SLC2A11: variants seen among roughly 807,000 people sequenced by gnomAD.
SLC2A11 encodes the protein solute carrier family 2 member 11.
A neutral mutation model predicts 52.1 loss-of-function variants in SLC2A11; 43 were observed. The observed-to-expected ratio is 0.82, with a 90% CI of 0.65 to 1.06. The LOEUF (loss-of-function observed/expected upper bound fraction) is 1.06, where lower values mean the gene tolerates loss of function less well. Ranked by LOEUF, SLC2A11 falls within the 50% of genes least tolerant of loss-of-function variation. The pLI is 0.00. For missense variants in SLC2A11, 582 were observed against 654.2 expected (o/e 0.89, Z 1.20); for synonymous variants, 261 against 277.6 (o/e 0.94, Z 0.59).
At position 23,882,869 on chromosome 22, in the gene SLC2A11, T is replaced by TGTGA; in HGVS notation, c.993+3_993+6dup. On this transcript the variant is annotated frameshift_variant and splice_region_variant. Transcript: ENST00000316185. LOFTEE classifies it high-confidence loss of function. Reference sequence around the variant, plus strand: ...GCGAGCTGCTCACGGCGGTTGTTAGTGTGAGTCTGGAGGGTGCCCTTCCTC... The same window carrying TGTGA: ...GCGAGCTGCTCACGGCGGTTGTTAGTGTGAGTGAGTCTGGAGGGTGCCCTTCCTC... 6.2e-7 allele frequency: 1 copy of TGTGA among 1,608,216 alleles called. No individual in the cohort carries two copies. The highest frequency in any genetic ancestry group is 8.5e-7 in the Non-Finnish European group (1 of 1,177,058).
intron 3 of SLC2A11, chr22:23,871,005 C>G (rs2032436058): frequency 6.6e-6 from 1 of 152,000 alleles, no homozygotes; most frequent in African/African-American, 2.4e-5. Context: ...TTTTCAGGTT[C>G]TGGGCTAATT....
intron 6 of SLC2A11, chr22:23,880,320 A>C (rs1601511428): frequency 6.6e-6 from 1 of 151,144 alleles, no homozygotes; most frequent in Non-Finnish European, 1.5e-5. Flanking sequence ...AAGTCTTTAT[A>C]TTTCAAATTG....
intron 2 of SLC2A11, chr22:23,868,119 G>GTACACCC: frequency 3.1e-6 from 1 of 324,508 alleles, no homozygotes; most frequent in Non-Finnish European, 5.9e-6. Context: ...TTACATTGTA[G>GTACACCC]TACACCCAGC....
intron 2 of SLC2A11, among the ~76,000 whole-genome samples, chr22:23,864,709 G>C (rs1376960843): frequency 6.6e-6 from 1 of 152,198 alleles, no homozygotes; most frequent in African/African-American, 2.4e-5. Context: ...GGCACTCTCA[G>C]ACCTTACCTC....
chr22:23,866,819 T>G (rs575575951), intron 2 of SLC2A11: 1 of 152,584 alleles, frequency 6.6e-6, no homozygotes, highest in African/African-American at 2.4e-5. Context: ...CTCAGGAGGC[T>G]GAGGCAGGAG....
intron 1 of SLC2A11, chr22:23,858,296 C>T (rs2031929848): frequency 1.6e-6 from 1 of 615,658 alleles, no homozygotes; most frequent in South Asian, 1.8e-5. Flanking sequence ...TGCCGATCAG[C>T]CCTGACCTCA....
chr22:23,884,638 T>C lies in SLC2A11; in HGVS notation c.1300-11T>C. 1 of 1,608,790 alleles carries C rather than the reference T, an allele frequency of 6.2e-7. No individual in the cohort carries two copies. The highest frequency in any genetic ancestry group is 8.5e-7 in the Non-Finnish European group (1 of 1,177,344). The stretch of plus-strand genomic sequence containing the variant: ...GACACACCAGGTCTTGGGGTCTTTT[T>C]TAATCCGCAGGAGGCCTTGTCCCAC... On this transcript the variant is annotated splice_polypyrimidine_tract_variant and intron_variant, in intron 11 of 11. Transcript: ENST00000316185. This position sits in a 1 kb window ranked among gnomAD's most constrained non-coding sequence, Gnocchi z 4.3.
At chr22:23,856,937 C>A, upstream of SLC2A11, 1 of 1,606,492 alleles carries the variant, frequency 6.2e-7, no homozygotes, top group Admixed American at 1.7e-5. Context: ...TACCCGCATT[C>A]CGCCAAGTCT....
At chr22:23,873,498 T>C (rs60334856) in intron 3 of SLC2A11, among the ~76,000 whole-genome samples, 3,319 of 151,764 alleles carry the variant, frequency 0.022, 125 homozygotes, top group African/African-American at 0.071. Context: ...TTAGTAGAGA[T>C]GGGGTTTCAC....
intron 2 of SLC2A11, 88 bp downstream of exon 2, chr22:23,862,290 A>G: frequency 8.3e-7 from 1 of 1,208,830 alleles, no homozygotes; most frequent in Non-Finnish European, 1.2e-6. Flanking sequence ...CCAGGCATCC[A>G]CTAGGTGGCA....
intron 2 of SLC2A11, among the ~76,000 whole-genome samples, chr22:23,863,105 C>G (rs999296531): frequency 6.6e-6 from 1 of 152,220 alleles, no homozygotes; most frequent in Non-Finnish European, 1.5e-5. Context: ...TTCGCTCCCC[C>G]AACCCTGATA....
intron 6 of SLC2A11, 72 bp downstream of exon 6, chr22:23,877,941 C>T: frequency 6.8e-7 from 1 of 1,477,318 alleles, no homozygotes; most frequent in Non-Finnish European, 9.0e-7. Flanking sequence ...ATACGGGTCC[C>T]CATTTCATAG....
chr22:23,876,125 C>T (rs1261996300), intron 4 of SLC2A11, among the ~76,000 whole-genome samples: 4 of 151,998 alleles, frequency 2.6e-5, no homozygotes, highest in African/African-American at 4.8e-5. Flanking sequence ...GAGAGGGAGA[C>T]AGGGAGACAG....
In SLC2A11 at chr22:23,884,089, G is replaced by A. The variant is rs1272613915; in HGVS notation, c.1171+65G>A. The A allele has an allele frequency of 5.1e-6, 8 of 1,581,810 alleles. No homozygotes were observed. Among genetic ancestry groups the A allele is most frequent in the Non-Finnish European group, 6.9e-6 (8 of 1,164,788 alleles). On this transcript the variant is annotated intron_variant, in intron 10 of 11. Coordinates refer to ENST00000316185, the MANE Select transcript of SLC2A11 (RefSeq NM_001024939.4). This position sits in a 1 kb window ranked among gnomAD's most constrained non-coding sequence, Gnocchi z 4.3. ...TAGAAGGAGTGATGGGTGCCTGGGT[G>A]CACAGTGGGTGGGTGTGAATGCAAT...
chr22:23,857,373 G>T, upstream of SLC2A11: 1 of 1,540,552 alleles, frequency 6.5e-7, no homozygotes, highest in Non-Finnish European at 8.8e-7. Flanking sequence ...GCGAATGCAG[G>T]GGCTTGGCCG....
intron 2 of SLC2A11, chr22:23,866,484 C>CT (rs1448733496): frequency 1.2e-5 from 2 of 169,112 alleles, no homozygotes; most frequent in Non-Finnish European, 2.9e-5. Flanking sequence ...TTCCTCATGT[C>CT]TTTCCTAACC....
At chr22:23,871,239 C>T (rs2032444855) in intron 3 of SLC2A11, 1 of 149,414 alleles carries the variant, frequency 6.7e-6, no homozygotes, top group Non-Finnish European at 1.5e-5. Context: ...AACCCCATCT[C>T]TACTAAAACT....
In SLC2A11 at chr22:23,882,642, A is replaced by C. The variant is rs1463249812; in HGVS notation, c.878A>C (p.Asp293Ala). The C allele has an allele frequency of 1.9e-6, 3 of 1,611,196 alleles. No homozygotes were observed. Among genetic ancestry groups the C allele is most frequent in the Admixed American group, 1.7e-5 (1 of 59,800 alleles). ...LGSAMELCGN[D>A]SVYAYASSVF... ...AGTGCCATGGAGCTCTGCGGGAATGACTCGGTGAGACCCCTGCCCCGCCGC... is the reference window on the plus strand; with the variant it reads ...AGTGCCATGGAGCTCTGCGGGAATGCCTCGGTGAGACCCCTGCCCCGCCGC... Residue 293 changes from aspartate to alanine, a missense_variant, in exon 7 of 12, where the codon GAC becomes GCC. Asp to Ala is a moderately radical substitution (Grantham distance 126). Coordinates refer to ENST00000316185, the MANE Select transcript of SLC2A11 (RefSeq NM_001024939.4).
chr22:23,857,586 C>CCT (rs1321032156), upstream of SLC2A11: 10 of 1,475,378 alleles, frequency 6.8e-6, no homozygotes, highest in Middle Eastern at 2.2e-4. Flanking sequence ...AACCCCCCCC[C>CCT]CGCGGCGGCG....
Sources: allele counts gnomAD v4.1 joint callset (sites outside exome capture counted in the v4.1 genomes callset), GRCh38; gene constraint gnomAD v4.1.1; non-coding constraint Gnocchi (gnomAD v3.1); transcripts MANE v1.5; gene names NCBI Gene and HGNC (gene_info 2026-07-23, HGNC 2026-07-21).